The following STK32B variants were observed in gnomAD, a reference collection of about 807,000 sequenced individuals.
STK32B encodes the protein serine/threonine-protein kinase 32B.
STK32B carries 43 observed loss-of-function variants against 52.6 expected under a neutral mutation model. That is an observed-to-expected ratio of 0.82 (90% CI 0.64 to 1.05). The LOEUF is 1.05. STK32B is among the 50% of genes least tolerant of loss of function. The probability of loss-of-function intolerance (pLI) is 0.00; values close to 1 mark genes in which losing one functional copy is unlikely to be tolerated. For missense variants in STK32B, 621 were observed against 534.6 expected, an observed-to-expected ratio of 1.16 and a Z score of -1.59; for synonymous variants, 238 against 204.3, an observed-to-expected ratio of 1.17 and a Z score of -1.41.
chr4:5,159,551 GAA>G (rs1491315062), intron 2 of STK32B, among the ~76,000 whole-genome samples: 2 of 88,772 alleles, frequency 2.3e-5, no homozygotes, highest in East Asian at 3.0e-4. Flanking sequence ...GTATATATAT[GAA>G]TATATATGAA....
intron 3 of STK32B, among the ~76,000 whole-genome samples, chr4:5,196,143 G>A (rs1266289992): frequency 1.3e-5 from 2 of 152,124 alleles, no homozygotes; most frequent in Non-Finnish European, 2.9e-5. Flanking sequence ...TGCAGGTGGA[G>A]AGGGAGGGAG....
chr4:5,097,626 C>G (rs1270027860), intron 1 of STK32B, among the ~76,000 whole-genome samples: 1 of 152,160 alleles, frequency 6.6e-6, no homozygotes, highest in African/African-American at 2.4e-5. Flanking sequence ...ACATGCAAAT[C>G]TTAGTCTCTA....
chr4:5,201,397 C>A (rs916564053), intron 3 of STK32B, among the ~76,000 whole-genome samples: 1 of 152,180 alleles, frequency 6.6e-6, no homozygotes, highest in Admixed American at 6.5e-5. Context: ...AGTATAGGCA[C>A]AACCGTGGAA....
At chr4:5,331,164 T>G in intron 3 of STK32B, 56 bp from the exon 4 acceptor site, 2 of 1,521,218 alleles carry the variant, frequency 1.3e-6, no homozygotes, top group Non-Finnish European at 1.8e-6. Flanking sequence ...GCATTGGTCT[T>G]GAGGGTGCTG....
At chr4:5,375,780 G>A (rs920311472) in intron 4 of STK32B, among the ~76,000 whole-genome samples, 3 of 152,086 alleles carry the variant, frequency 2.0e-5, no homozygotes, top group Admixed American at 6.6e-5. Context: ...AGAATGAGAC[G>A]GTAGAAAGTT....
rs199943379 is a variant in STK32B at position 5,371,004 on chromosome 4, A to G, written c.435-27203A>G. Among the ~76,000 whole-genome samples, 52 of 117,746 alleles carry G rather than the reference A, an allele frequency of 4.4e-4. No homozygotes were observed. The South Asian group carries it at 4.8e-3, about 11-fold the overall frequency. 77.2% of individuals were successfully genotyped at this position (117,746 alleles called of 152,430 possible). A position where few individuals can be genotyped will look rare whatever the true frequency, so the allele number is the denominator to read the frequency against. ...TATATATGTGTGTGTGTGTATATAT[A>G]TATATATGTATATATATGTGTATAT... On this transcript the variant is annotated intron_variant, in intron 4 of 11. Coordinates refer to ENST00000282908, the MANE Select transcript of STK32B (RefSeq NM_018401.3).
At chr4:5,317,613 C>T (rs1200856003) in intron 3 of STK32B, among the ~76,000 whole-genome samples, 1 of 140,040 alleles carries the variant, frequency 7.1e-6, no homozygotes, top group African/African-American at 2.8e-5. Flanking sequence ...AAGCAACACT[C>T]AGTGAACACT....
intron 4 of STK32B, among the ~76,000 whole-genome samples, chr4:5,351,488 A>G (rs114226080): frequency 2.1e-3 from 315 of 152,198 alleles, no homozygotes; most frequent in African/African-American, 7.4e-3. Flanking sequence ...GTTTATAACA[A>G]TAAATGTCTG....
chr4:5,320,043 A>G (rs1414360657), intron 3 of STK32B, among the ~76,000 whole-genome samples: 1 of 152,164 alleles, frequency 6.6e-6, no homozygotes, highest in Non-Finnish European at 1.5e-5. Flanking sequence ...AGGAAAGCAC[A>G]CTTGCAGGAG....
chr4:5,084,671 A>G (rs1712619975), intron 1 of STK32B, among the ~76,000 whole-genome samples: 1 of 152,200 alleles, frequency 6.6e-6, no homozygotes, highest in African/African-American at 2.4e-5. Context: ...TGCTAAGAAC[A>G]ATTTTCTTTC....
At chr4:5,446,313 C>G (rs1415282776) in intron 6 of STK32B, among the ~76,000 whole-genome samples, 2 of 152,196 alleles carry the variant, frequency 1.3e-5, no homozygotes, top group African/African-American at 4.8e-5. Flanking sequence ...CGCCTGTAAT[C>G]CCAGCACTTT....
At chr4:5,488,158 G>T (rs1461686398) in intron 11 of STK32B, among the ~76,000 whole-genome samples, 6 of 152,074 alleles carry the variant, frequency 3.9e-5, no homozygotes, top group African/African-American at 1.4e-4. Context: ...AATTAGCTAG[G>T]TATGGGGCAC....
chr4:5,280,202 T>C (rs535806837), intron 3 of STK32B, among the ~76,000 whole-genome samples: 1 of 152,346 alleles, frequency 6.6e-6, no homozygotes, highest in African/African-American at 2.4e-5. Context: ...GTCTTTTTTT[T>C]GTTCAACATT....
At chr4:5,253,278 C>G (rs78179922) in intron 3 of STK32B, among the ~76,000 whole-genome samples, 5,243 of 152,130 alleles carry the variant, frequency 0.034, 246 homozygotes, top group East Asian at 0.1. Flanking sequence ...GGGCCTCCAA[C>G]TAGACAATAT....
intron 11 of STK32B, among the ~76,000 whole-genome samples, chr4:5,481,905 C>A (rs1344862867): frequency 6.6e-6 from 1 of 152,104 alleles, no homozygotes; most frequent in African/African-American, 2.4e-5. Flanking sequence ...AGATATGCGG[C>A]ATTATTTCTG....
At chr4:5,393,654 T>C (rs1037829231) in intron 4 of STK32B, among the ~76,000 whole-genome samples, 2 of 152,138 alleles carry the variant, frequency 1.3e-5, no homozygotes, top group East Asian at 1.9e-4. Flanking sequence ...CAACTCACTA[T>C]CATGACAATA....
chr4:5,019,518 G>A, the STK32B span: 5 of 1,370,538 alleles, frequency 3.6e-6, no homozygotes, highest in African/African-American at 7.7e-5. Flanking sequence ...GCGGCTCCAC[G>A]CCTCCACTTC....
intron 6 of STK32B, among the ~76,000 whole-genome samples, chr4:5,439,216 C>T (rs1294481799): frequency 6.7e-6 from 1 of 150,290 alleles, no homozygotes; most frequent in African/African-American, 2.4e-5. Flanking sequence ...TACAGTCCCA[C>T]CAACAGTGTG....
chr4:5,434,350 C>T (rs967464572), intron 6 of STK32B, among the ~76,000 whole-genome samples: 1 of 151,814 alleles, frequency 6.6e-6, no homozygotes. Context: ...AATTCAATTG[C>T]AACCAAAACT....
Sources: gnomAD v4.1 joint callset for allele counts (sites outside exome capture counted in the v4.1 genomes callset) on GRCh38, gnomAD v4.1.1 for gene constraint, MANE v1.5 for transcripts, NCBI Gene and HGNC (gene_info 2026-07-23, HGNC 2026-07-21) for gene names.